The following SLIT3 variants were observed in gnomAD, a reference collection of about 807,000 sequenced individuals.
SLIT3 encodes slit homolog 3 protein.
SLIT3 carries 68 observed loss-of-function variants against 184.0 expected under a neutral mutation model. That is an observed-to-expected ratio of 0.37 (90% CI 0.30 to 0.45). The LOEUF (loss-of-function observed/expected upper bound fraction) is 0.45. Ranked by LOEUF, SLIT3 falls within the 20% of genes least tolerant of loss-of-function variation. The pLI is 1.00. For missense variants in SLIT3, 1,707 were observed against 2,026.0 expected (o/e 0.84, Z 3.02); for synonymous variants, 831 against 828.6 (o/e 1.00, Z -0.05).
chr5:169,103,671 G>T (rs1210665814), intron 4 of SLIT3, among the ~76,000 whole-genome samples: 3 of 152,222 alleles, frequency 2.0e-5, no homozygotes, highest in Middle Eastern at 3.2e-3. Context: ...CCTAGGTCCA[G>T]GGTGGAACTG....
chr5:168,938,584 T>G (rs567521823), intron 4 of SLIT3, among the ~76,000 whole-genome samples: 1 of 152,186 alleles, frequency 6.6e-6, no homozygotes, highest in Non-Finnish European at 1.5e-5. Context: ...AGTGATTTTA[T>G]TTTGAATCTC....
At chr5:169,132,285 C>G (rs1808647) in intron 4 of SLIT3, among the ~76,000 whole-genome samples, 97,209 of 151,790 alleles carry the variant, frequency 0.64, 31,406 homozygotes, top group Admixed American at 0.73. Flanking sequence ...AGTAAGTTCT[C>G]AGCAAGTTTG....
At chr5:168,726,276 G>A (rs985036382) in intron 20 of SLIT3, among the ~76,000 whole-genome samples, 19 of 150,252 alleles carry the variant, frequency 1.3e-4, no homozygotes, top group African/African-American at 1.7e-4. Context: ...ACCAAGTATC[G>A]TATATACTGG....
chr5:169,040,864 C>T (rs1004072445), intron 4 of SLIT3, among the ~76,000 whole-genome samples: 10 of 152,206 alleles, frequency 6.6e-5, no homozygotes, highest in South Asian at 6.2e-4. Flanking sequence ...CCATAAACAG[C>T]GGCAATCTTT....
intron 4 of SLIT3, among the ~76,000 whole-genome samples, chr5:168,946,331 C>T (rs1762483108): frequency 1.3e-5 from 2 of 152,204 alleles, no homozygotes. Context: ...TGCTGCAGGA[C>T]CTACAGGACC....
chr5:169,154,397 G>T (rs944348355), intron 4 of SLIT3, among the ~76,000 whole-genome samples: 1 of 152,110 alleles, frequency 6.6e-6, no homozygotes, highest in Non-Finnish European at 1.5e-5. Context: ...CCTGAGTTCT[G>T]CCTGCTGCCA....
intron 3 of SLIT3, among the ~76,000 whole-genome samples, chr5:169,212,955 T>G (rs1263748322): frequency 6.6e-6 from 1 of 152,160 alleles, no homozygotes; most frequent in Non-Finnish European, 1.5e-5. Flanking sequence ...GATGTTTGTA[T>G]ATGTGTGGAG....
chr5:169,117,085 G>T (rs970691380), intron 4 of SLIT3, among the ~76,000 whole-genome samples: 3 of 152,172 alleles, frequency 2.0e-5, no homozygotes, highest in Admixed American at 1.3e-4. Flanking sequence ...GCTGCCCCAA[G>T]TCTATCCTGT....
At chr5:168,960,601 G>T (rs1248305532) in intron 4 of SLIT3, among the ~76,000 whole-genome samples, 1 of 152,238 alleles carries the variant, frequency 6.6e-6, no homozygotes, top group Non-Finnish European at 1.5e-5. Flanking sequence ...TCCATGACAG[G>T]AGGCATGTTC....
chr5:168,949,501 G>A (rs1039316910), intron 4 of SLIT3, among the ~76,000 whole-genome samples: 6 of 152,182 alleles, frequency 3.9e-5, no homozygotes, highest in African/African-American at 1.4e-4. Flanking sequence ...TTTCAAAAGT[G>A]TGTGCTGTGA....
intron 8 of SLIT3, among the ~76,000 whole-genome samples, chr5:168,816,874 G>A (rs1307383004): frequency 6.6e-6 from 1 of 152,192 alleles, no homozygotes; most frequent in Non-Finnish European, 1.5e-5. Context: ...AAGGGACAGA[G>A]CTGAGATTTC....
chr5:169,037,630 G>C (rs377146061), intron 4 of SLIT3: 1 of 152,370 alleles, frequency 6.6e-6, no homozygotes, highest in South Asian at 2.1e-4. Flanking sequence ...GAGATGTTTA[G>C]TGCATGCCTG....
intron 4 of SLIT3, among the ~76,000 whole-genome samples, chr5:169,000,938 T>C (rs964940994): frequency 6.6e-6 from 1 of 152,224 alleles, no homozygotes; most frequent in Non-Finnish European, 1.5e-5. Flanking sequence ...TTGAGTTGCG[T>C]CGGAAAGCTT....
At chr5:168,767,875 GC>G (rs1394368260) in intron 14 of SLIT3, among the ~76,000 whole-genome samples, 1 of 152,196 alleles carries the variant, frequency 6.6e-6, no homozygotes, top group Non-Finnish European at 1.5e-5. Flanking sequence ...TAGTTTCTGA[GC>G]TTGAACCTAG....
intron 26 of SLIT3, among the ~76,000 whole-genome samples, chr5:168,703,060 T>A (rs1353006912): frequency 6.6e-6 from 1 of 152,186 alleles, no homozygotes. Context: ...TAATTGGGCC[T>A]GGAAGTGGGG....
chr5:168,824,860 G>A (rs1278580620), intron 6 of SLIT3, among the ~76,000 whole-genome samples: 1 of 152,162 alleles, frequency 6.6e-6, no homozygotes, highest in East Asian at 1.9e-4. Flanking sequence ...GCCTTCATGG[G>A]TTAAGCCAGA....
intron 6 of SLIT3, among the ~76,000 whole-genome samples, chr5:168,838,136 T>C (rs1004548978): frequency 6.6e-6 from 1 of 152,218 alleles, no homozygotes; most frequent in African/African-American, 2.4e-5. Context: ...TCTATGTATG[T>C]GTGTTCCGGT....
intron 4 of SLIT3, among the ~76,000 whole-genome samples, chr5:169,097,833 C>T (rs1036200526): frequency 6.6e-6 from 1 of 152,180 alleles, no homozygotes; most frequent in Non-Finnish European, 1.5e-5. Context: ...AACCCTGCTC[C>T]CCAGGCACAA....
chr5:169,020,119 A>G (rs749684403), intron 4 of SLIT3, among the ~76,000 whole-genome samples: 2 of 148,392 alleles, frequency 1.3e-5, no homozygotes, highest in Non-Finnish European at 3.0e-5. Context: ...GTGAGTGGTT[A>G]AGAGAGAAAC....
Sources: gnomAD v4.1 joint callset for allele counts (sites outside exome capture counted in the v4.1 genomes callset) on GRCh38, gnomAD v4.1.1 for gene constraint, MANE v1.5 for transcripts, NCBI Gene and HGNC (gene_info 2026-07-23, HGNC 2026-07-21) for gene names.